The following CFAP91 variants were observed in gnomAD, a reference collection of about 807,000 sequenced individuals.
CFAP91 encodes cilia- and flagella-associated protein 91.
In CFAP91, 85 loss-of-function variants were observed where a neutral mutation model predicts 95.9. The ratio of observed to expected loss-of-function variants is 0.89; its 90% CI spans 0.74 to 1.06. The LOEUF is 1.06. CFAP91 is among the 50% of genes least tolerant of loss of function. CFAP91 has a pLI of 0.00. For missense variants in CFAP91, 962 were observed against 943.4 expected (o/e 1.02, Z -0.26); for synonymous variants, 335 against 327.5 (o/e 1.02, Z -0.25).
At chr3:119,762,079 A>T (rs1364988784) in intron 17 of CFAP91, among the ~76,000 whole-genome samples, 1 of 151,944 alleles carries the variant, frequency 6.6e-6, no homozygotes, top group Non-Finnish European at 1.5e-5. Flanking sequence ...ATGGTCTTAT[A>T]TATAGAAAAC....
At chr3:119,757,642 G>C (rs985040906) in intron 17 of CFAP91, among the ~76,000 whole-genome samples, 7 of 152,074 alleles carry the variant, frequency 4.6e-5, no homozygotes, top group Non-Finnish European at 8.8e-5. Flanking sequence ...GCAAGACCTT[G>C]TCTCAATAAT....
At chr3:119,705,694 T>G (rs2053345483) in intron 1 of CFAP91, among the ~76,000 whole-genome samples, 1 of 152,238 alleles carries the variant, frequency 6.6e-6, no homozygotes, top group African/African-American at 2.4e-5. Flanking sequence ...CCTCAAATTC[T>G]AATGTGTAAT....
In CFAP91 at chr3:119,707,570, C is replaced by T. The variant is rs1367901504; in HGVS notation, c.359+9C>T. The T allele has an allele frequency of 3.2e-6, 5 of 1,547,308 alleles. No homozygotes were observed. Among genetic ancestry groups the T allele is most frequent in the Admixed American group, 1.8e-5 (1 of 56,972 alleles). On this transcript the variant is annotated intron_variant, in intron 3 of 17. Coordinates refer to ENST00000273390, the MANE Select transcript of CFAP91 (RefSeq NM_033364.4). The stretch of plus-strand genomic sequence containing the variant: ...CTCCGGCAGCTCACCACGTAAGTGT[C>T]GGGTGGCTCCAGGGCCTAAAATAAA...
At chr3:119,750,286 T>A (rs2054301109) in intron 16 of CFAP91, 1 of 152,312 alleles carries the variant, frequency 6.6e-6, no homozygotes, top group Admixed American at 6.5e-5. Flanking sequence ...AAATGAATAA[T>A]TACATGTGAA....
At chr3:119,717,051 G>A (rs938658475) in intron 6 of CFAP91, among the ~76,000 whole-genome samples, 1 of 152,236 alleles carries the variant, frequency 6.6e-6, no homozygotes, top group Non-Finnish European at 1.5e-5. Flanking sequence ...TATTCGTAAT[G>A]TAGAAATGGA....
At chr3:119,742,040 CCT>C (rs1336777628) in intron 13 of CFAP91, among the ~76,000 whole-genome samples, 1 of 152,108 alleles carries the variant, frequency 6.6e-6, no homozygotes, top group Non-Finnish European at 1.5e-5. Flanking sequence ...AGCGCTAGGC[CCT>C]GAGACTGTGG....
intron 6 of CFAP91, among the ~76,000 whole-genome samples, chr3:119,719,570 A>G (rs1038224505): frequency 6.6e-5 from 10 of 152,242 alleles, no homozygotes; most frequent in Admixed American, 6.5e-5. Flanking sequence ...ATGAATAATA[A>G]AGTTGAAACA....
intron 17 of CFAP91, among the ~76,000 whole-genome samples, chr3:119,760,221 G>C (rs999212898): frequency 6.6e-6 from 1 of 151,692 alleles, no homozygotes; most frequent in African/African-American, 2.4e-5. Context: ...AACCAAAATA[G>C]AACAAGTGTA....
chr3:119,737,810 T>G (rs775992229), intron 11 of CFAP91, among the ~76,000 whole-genome samples: 1 of 152,208 alleles, frequency 6.6e-6, no homozygotes, highest in African/African-American at 2.4e-5. Context: ...TCTTCCCACA[T>G]GGAGAGATGG....
chr3:119,750,801 A>G (rs2054310521), intron 16 of CFAP91, 136 bp from the exon 17 acceptor site: 1 of 882,760 alleles, frequency 1.1e-6, no homozygotes, highest in Non-Finnish European at 1.8e-6. Flanking sequence ...GAACAGAGGG[A>G]GCAGAAAGAA....
chr3:119,704,740 A>T (rs545601908), intron 1 of CFAP91, among the ~76,000 whole-genome samples: 109 of 152,322 alleles, frequency 7.2e-4, no homozygotes, highest in African/African-American at 2.5e-3. Context: ...TCAACAGTGG[A>T]CTACATGTAT....
chr3:119,722,996 C>T (rs916894056), intron 6 of CFAP91, among the ~76,000 whole-genome samples: 7 of 152,138 alleles, frequency 4.6e-5, no homozygotes, highest in South Asian at 2.1e-4. Flanking sequence ...TTTATACCTT[C>T]GAGTAGTTCT....
intron 14 of CFAP91, 121 bp downstream of exon 14, chr3:119,744,317 C>A: frequency 1.4e-6 from 1 of 730,294 alleles, no homozygotes; most frequent in Non-Finnish European, 2.2e-6. Context: ...TACTGTATGC[C>A]AGGCACTCTA....
chr3:119,709,851 A>AT lies in CFAP91; in HGVS notation c.462dup (p.Gln155SerfsTer25). ...TTTTTCCTCCCAGGCCTTTTCTCCCATTTTTTCAGCAGATGCCATTCAATG... is the reference window on the plus strand; with the variant it reads ...TTTTTCCTCCCAGGCCTTTTCTCCCATTTTTTTCAGCAGATGCCATTCAATG... On this transcript the variant is annotated frameshift_variant, in exon 5 of 18. Transcript: ENST00000273390. LOFTEE classifies it high-confidence loss of function. The AT allele has an allele frequency of 6.2e-7, 1 of 1,612,690 alleles. No homozygotes were observed. Among genetic ancestry groups the AT allele is most frequent in the East Asian group, 2.2e-5 (1 of 44,854 alleles).
chr3:119,713,814 AGT>A (rs1477944621), intron 5 of CFAP91, among the ~76,000 whole-genome samples: 4 of 152,086 alleles, frequency 2.6e-5, no homozygotes, highest in African/African-American at 9.7e-5. Context: ...ACCATTTAAT[AGT>A]GTCATTTTTT....
At chr3:119,751,497 A>G (rs992543214) in intron 17 of CFAP91, among the ~76,000 whole-genome samples, 6 of 152,166 alleles carry the variant, frequency 3.9e-5, no homozygotes, top group African/African-American at 1.4e-4. Flanking sequence ...GAGCCTGCCC[A>G]ATTCTAGCTC....
intron 15 of CFAP91, 153 bp from the exon 16 acceptor site, chr3:119,747,658 A>G (rs2054249077): frequency 1.4e-6 from 1 of 694,374 alleles, no homozygotes; most frequent in African/African-American, 1.8e-5. Flanking sequence ...GGAGTTAAAC[A>G]AACTTGCCAG....
chr3:119,715,659 G>A lies in CFAP91; in HGVS notation c.598G>A (p.Val200Ile), dbSNP rs565776294. 24 of 1,613,660 alleles carry A rather than the reference G, an allele frequency of 1.5e-5. No homozygotes were observed. Among genetic ancestry groups the A allele is most frequent in the African/African-American group, 9.3e-5 (7 of 75,028 alleles). The change falls in exon 6 of 18, where the codon GTT (valine) becomes ATT (isoleucine). Residue 200 changes from valine to isoleucine, a missense_variant. Transcript: ENST00000273390. ...TCAGACTGATTATCGGGATGCTGAC[G>A]TTCAAACAGATCCATACTCTGCAGA... ...GTQTDYRDAD[V>I]QTDPYSAEYV...
chr3:119,713,529 A>G (rs1262037456), intron 5 of CFAP91, among the ~76,000 whole-genome samples: 2 of 151,080 alleles, frequency 1.3e-5, no homozygotes, highest in Admixed American at 6.6e-5. Context: ...TTTTGCCTTC[A>G]TCTTTAGTTA....
Sources: gnomAD v4.1 joint callset for allele counts (sites outside exome capture counted in the v4.1 genomes callset) on GRCh38, gnomAD v4.1.1 for gene constraint, MANE v1.5 for transcripts, NCBI Gene and HGNC (gene_info 2026-07-23, HGNC 2026-07-21) for gene names.